The following INTS15 variants were observed in gnomAD, a reference collection of about 807,000 sequenced individuals.
The protein encoded by INTS15 is integrator complex subunit 15.
chr7:6,598,788 T>TGTGTGTGTG, the INTS15 span, among the ~76,000 whole-genome samples: 18 of 39,180 alleles, frequency 4.6e-4, no homozygotes, highest in African/African-American at 1.0e-3. Flanking sequence ...TGTGTGTGTA[T>TGTGTGTGTG]TTTTTTTTTT....
At chr7:6,608,444 A>C in the INTS15 span, 1 of 1,304,352 alleles carries the variant, frequency 7.7e-7, no homozygotes, top group Admixed American at 3.8e-5. Flanking sequence ...CGCATTTCAG[A>C]CACAGCCTGT....
the INTS15 span, chr7:6,591,837 G>C: frequency 1.9e-5 from 30 of 1,613,906 alleles, no homozygotes; most frequent in Non-Finnish European, 2.5e-5. Context: ...GTCGAATCCC[G>C]GTGTTGGAGT....
the INTS15 span, chr7:6,590,215 T>C: frequency 1.5e-6 from 2 of 1,318,910 alleles, no homozygotes; most frequent in South Asian, 1.7e-5. Flanking sequence ...TTTCCACGGG[T>C]AGCGGCGCAG....
At chr7:6,590,407 A>G in the INTS15 span, 2 of 1,606,412 alleles carry the variant, frequency 1.2e-6, no homozygotes, top group East Asian at 2.2e-5. Flanking sequence ...CATCGTGGAC[A>G]AGGGCCCCGT....
the INTS15 span, chr7:6,590,265 GGGCCGCGGC>G: frequency 4.0e-6 from 6 of 1,500,602 alleles, no homozygotes; most frequent in Non-Finnish European, 4.4e-6. Context: ...CTCGGCGCGG[GGGCCGCGGC>G]GGCCGCACCA....
the INTS15 span, among the ~76,000 whole-genome samples, chr7:6,595,224 G>A: frequency 6.6e-6 from 1 of 152,098 alleles, no homozygotes; most frequent in Non-Finnish European, 1.5e-5. Flanking sequence ...TAGAGACAGG[G>A]TTTCGCCATG....
chr7:6,602,894 C>T, the INTS15 span: 1 of 373,884 alleles, frequency 2.7e-6, no homozygotes, highest in African/African-American at 2.1e-5. Context: ...GGACCTGCCT[C>T]ATGTCCCTCT....
At chr7:6,607,714 G>A in the INTS15 span, 1 of 1,520,096 alleles carries the variant, frequency 6.6e-7, no homozygotes, top group African/African-American at 1.4e-5. The surrounding 1 kb of genome is among the most constrained non-coding windows in gnomAD (Gnocchi z 6.0). Context: ...CTGCGCGCCC[G>A]GGAGTGCTAC....
the INTS15 span, chr7:6,608,207 C>G: frequency 1.3e-6 from 2 of 1,533,408 alleles, no homozygotes; most frequent in Non-Finnish European, 1.7e-6. Flanking sequence ...CGAAGCCTTT[C>G]GAGATGGAAG....
chr7:6,596,183 C>A, the INTS15 span, among the ~76,000 whole-genome samples: 4 of 151,686 alleles, frequency 2.6e-5, no homozygotes, highest in Non-Finnish European at 4.4e-5. Flanking sequence ...TCCTGAGTAG[C>A]TAGCTGGGAC....
the INTS15 span, chr7:6,590,193 C>T: frequency 8.4e-7 from 1 of 1,195,764 alleles, no homozygotes; most frequent in Non-Finnish European, 1.1e-6. Context: ...AGGCCCGGGT[C>T]GCGCCTCTTT....
chr7:6,599,720 C>T, the INTS15 span: 8 of 1,051,738 alleles, frequency 7.6e-6, no homozygotes, highest in Middle Eastern at 4.3e-4. Flanking sequence ...TGATCCAGAC[C>T]ATCAGGTGGG....
the INTS15 span, among the ~76,000 whole-genome samples, chr7:6,598,260 A>G: frequency 5.3e-5 from 8 of 152,256 alleles, no homozygotes; most frequent in Admixed American, 2.0e-4. Context: ...ACCTGCAGTC[A>G]GGAGTTGGAG....
At chr7:6,595,157 G>A in the INTS15 span, among the ~76,000 whole-genome samples, 12 of 152,098 alleles carry the variant, frequency 7.9e-5, no homozygotes, top group East Asian at 2.1e-3. Context: ...TCAGCCTCTC[G>A]AGTAGTTGTG....
chr7:6,606,357 G>T, the INTS15 span, among the ~76,000 whole-genome samples: 1 of 151,022 alleles, frequency 6.6e-6, no homozygotes, highest in African/African-American at 2.4e-5. Context: ...TGACAGACCA[G>T]CCCCTTGATG....
the INTS15 span, chr7:6,592,018 A>G: frequency 1.5e-6 from 1 of 647,114 alleles, no homozygotes; most frequent in South Asian, 2.0e-5. Flanking sequence ...CTAAAAATAC[A>G]AAATTAGCCG....
At chr7:6,608,202 C>G in the INTS15 span, 1 of 1,535,218 alleles carries the variant, frequency 6.5e-7, no homozygotes, top group Non-Finnish European at 8.7e-7. Flanking sequence ...CTGGACGAAG[C>G]CTTTCGAGAT....
the INTS15 span, chr7:6,602,244 A>C: frequency 2.3e-6 from 2 of 875,206 alleles, no homozygotes. Flanking sequence ...GGGAGAGCCC[A>C]GTAAGCACAT....
At chr7:6,599,320 A>G in the INTS15 span, among the ~76,000 whole-genome samples, 1 of 152,044 alleles carries the variant, frequency 6.6e-6, no homozygotes, top group Non-Finnish European at 1.5e-5. Context: ...GGTTGCTTAG[A>G]TGAGGGTTCC....
Sources: gnomAD v4.1 joint callset for allele counts (sites outside exome capture counted in the v4.1 genomes callset) on GRCh38, gnomAD v4.1.1 for gene constraint, Gnocchi (gnomAD v3.1) non-coding constraint, MANE v1.5 for transcripts, NCBI Gene and HGNC (gene_info 2026-07-23, HGNC 2026-07-21) for gene names.